The following ANKRD44 variants were observed in gnomAD, a reference collection of about 807,000 sequenced individuals.
ANKRD44 encodes the protein ankyrin repeat domain 44, also known as serine/threonine-protein phosphatase 6 regulatory ankyrin repeat subunit B.
ANKRD44 carries 35 observed loss-of-function variants against 116.0 expected under a neutral mutation model. That is an observed-to-expected ratio of 0.30 (90% CI 0.23 to 0.40). ANKRD44 has a LOEUF of 0.40. Among genes scored for constraint, ANKRD44 ranks in the 10% least tolerant of loss-of-function variants. ANKRD44 has a pLI of 1.00. For missense variants in ANKRD44, 1,014 were observed against 1,242.6 expected, an observed-to-expected ratio of 0.82 and a Z score of 2.77; for synonymous variants, 435 against 461.8, an observed-to-expected ratio of 0.94 and a Z score of 0.74.
At chr2:197,085,127 G>A (rs976105310) in intron 13 of ANKRD44, among the ~76,000 whole-genome samples, 1 of 152,146 alleles carries the variant, frequency 6.6e-6, no homozygotes, top group East Asian at 1.9e-4. Context: ...CAAATGATCA[G>A]TTTTCAAGTA....
At chr2:197,250,339 G>T (rs940903647) in intron 1 of ANKRD44, among the ~76,000 whole-genome samples, 7 of 152,290 alleles carry the variant, frequency 4.6e-5, no homozygotes, top group Non-Finnish European at 1.0e-4. Context: ...TCTTATAAGG[G>T]AGGAATATCT....
In ANKRD44 at chr2:196,998,404, C is replaced by G. The variant is rs749474395; in HGVS notation, c.2681G>C (p.Ser894Thr). The change falls in exon 25 of 28, where the codon AGT becomes ACT. Residue 894 changes from serine to threonine, a missense_variant. Coordinates refer to ENST00000282272, the MANE Select transcript of ANKRD44 (RefSeq NM_001195144.2). ...CTTTACAGTCAGATCAGCCTGGGCA[C>G]TGTTCACCAAAATATCTGTAGAAAA... The part of the protein sequence containing the change: ...QAGAVDILVN[S>T]AQADLTVKDK... The G allele has an allele frequency of 5.0e-6, 8 of 1,613,510 alleles. No homozygotes were observed. Among genetic ancestry groups the G allele is most frequent in the Non-Finnish European group, 6.8e-6 (8 of 1,179,764 alleles).
At chr2:197,050,184 G>T (rs1390855068) in intron 16 of ANKRD44, among the ~76,000 whole-genome samples, 2 of 152,040 alleles carry the variant, frequency 1.3e-5, no homozygotes, top group Non-Finnish European at 2.9e-5. Context: ...TAAATGACCA[G>T]CTCTCATAAG....
At chr2:197,083,562 T>C in intron 13 of ANKRD44, 53 bp from the exon 14 acceptor site, 11 of 1,568,996 alleles carry the variant, frequency 7.0e-6, no homozygotes, top group Non-Finnish European at 9.5e-6. Context: ...AACAGGCCTG[T>C]TGTTGGCACT....
rs561955886 is a variant in ANKRD44 at position 197,085,015 on chromosome 2, C to T, written c.1317-1506G>A. On this transcript the variant is annotated intron_variant, in intron 13 of 27. Transcript: ENST00000282272. ...CACAAGCACCTCGTAAAGGGCAAGA[C>T]TACAGAAATATAAAGTAATTTGCTG... Among the ~76,000 whole-genome samples the T allele has an allele frequency of 1.6e-4, 24 of 152,288 alleles. No individual in the cohort carries two copies. In the South Asian group the frequency reaches 4.8e-3, roughly 30 times the overall value.
chr2:197,091,526 T>G (rs1368787392), intron 10 of ANKRD44, among the ~76,000 whole-genome samples: 1 of 152,150 alleles, frequency 6.6e-6, no homozygotes, highest in Non-Finnish European at 1.5e-5. Context: ...CCAGCTAATT[T>G]TTTGGTGTAT....
intron 9 of ANKRD44, among the ~76,000 whole-genome samples, chr2:197,108,189 G>GC (rs1255158425): frequency 6.6e-6 from 1 of 152,068 alleles, no homozygotes; most frequent in Admixed American, 6.5e-5. Flanking sequence ...CAACATACTG[G>GC]CCATTTATCC....
chr2:196,975,826 A>T (rs1474429955), intron 21 of ANKRD44, among the ~76,000 whole-genome samples: 2 of 148,254 alleles, frequency 1.3e-5, no homozygotes, highest in Non-Finnish European at 3.0e-5. Context: ...AGAAAGAAAG[A>T]AAGAAAGAAA....
At position 197,122,537 on chromosome 2, in the gene ANKRD44, C is replaced by T; in HGVS notation, c.693+113G>A. The T allele has an allele frequency of 2.9e-6, 4 of 1,395,458 alleles. No homozygotes were observed. In the South Asian group the frequency reaches 5.8e-5, roughly 20 times the overall value. 86.4% of individuals were successfully genotyped at this position (1,395,458 alleles called of 1,614,324 possible). On this transcript the variant is annotated intron_variant, in intron 7 of 27. Transcript: ENST00000282272. ...CACAAAAACTCAAAAAGACAGGATG[C>T]TAGAAAACAATTCCCCTGCCCTTGA...
chr2:197,017,237 T>C (rs899564098), intron 17 of ANKRD44, among the ~76,000 whole-genome samples: 2 of 152,156 alleles, frequency 1.3e-5, no homozygotes, highest in African/African-American at 2.4e-5. Flanking sequence ...ATGATCTCAT[T>C]TATATACAAA....
chr2:197,170,190 C>CAAAAAAAAAAAAAAAA (rs71012960), intron 2 of ANKRD44, among the ~76,000 whole-genome samples: 1 of 119,742 alleles, frequency 8.4e-6, no homozygotes, highest in Admixed American at 8.5e-5. Flanking sequence ...ACCCTGTTTC[C>CAAAAAAAAAAAAAAAA]AAAAAAAAAA....
At chr2:197,223,723 G>T (rs926571416) in intron 1 of ANKRD44, among the ~76,000 whole-genome samples, 3 of 152,156 alleles carry the variant, frequency 2.0e-5, no homozygotes, top group African/African-American at 7.2e-5. Flanking sequence ...CCAAATAACT[G>T]CAAATAGTTA....
intron 1 of ANKRD44, 110 bp from the exon 2 acceptor site, chr2:197,187,216 G>A: frequency 9.4e-7 from 1 of 1,064,948 alleles, no homozygotes; most frequent in Non-Finnish European, 1.4e-6. Flanking sequence ...ACCATTATCA[G>A]TTGGCAGACA....
chr2:197,202,749 A>C (rs753337868), intron 1 of ANKRD44, among the ~76,000 whole-genome samples: 42 of 152,042 alleles, frequency 2.8e-4, no homozygotes, highest in Non-Finnish European at 5.7e-4. Context: ...AATTTTTCTA[A>C]AAAATTTTTG....
chr2:197,013,747 T>A, intron 17 of ANKRD44, 35 bp from the exon 18 acceptor site: 1 of 1,609,148 alleles, frequency 6.2e-7, no homozygotes, highest in Admixed American at 1.7e-5. Flanking sequence ...CCATGCTTGC[T>A]CGCTCACCTC....
chr2:197,210,142 C>T (rs971095955), intron 1 of ANKRD44, among the ~76,000 whole-genome samples: 4 of 151,868 alleles, frequency 2.6e-5, no homozygotes, highest in Admixed American at 2.6e-4. Flanking sequence ...TTTCTTGACT[C>T]CTAAAAAAAG....
intron 26 of ANKRD44, among the ~76,000 whole-genome samples, 172 bp from the exon 27 acceptor site, chr2:196,993,846 G>C (rs1165212980): frequency 1.3e-5 from 2 of 152,164 alleles, no homozygotes; most frequent in Non-Finnish European, 2.9e-5. Flanking sequence ...GGTGCTAATG[G>C]TCCAACTGTT....
chr2:197,008,472 T>G (rs1187740294), intron 19 of ANKRD44, among the ~76,000 whole-genome samples: 1 of 152,198 alleles, frequency 6.6e-6, no homozygotes, highest in Non-Finnish European at 1.5e-5. Context: ...GCTCTGCATT[T>G]CCTATTTGTA....
At chr2:197,178,559 A>C (rs2080425612) in intron 2 of ANKRD44, among the ~76,000 whole-genome samples, 1 of 152,220 alleles carries the variant, frequency 6.6e-6, no homozygotes, top group Non-Finnish European at 1.5e-5. Flanking sequence ...GGTTGAGAAA[A>C]AGATAAATAA....
Sources: gnomAD v4.1 joint callset for allele counts (sites outside exome capture counted in the v4.1 genomes callset) on GRCh38, gnomAD v4.1.1 for gene constraint, MANE v1.5 for transcripts, NCBI Gene and HGNC (gene_info 2026-07-23, HGNC 2026-07-21) for gene names.